The following TAOK3 variants were observed in gnomAD, a reference collection of about 807,000 sequenced individuals.
The protein encoded by TAOK3 is serine/threonine-protein kinase TAO3.
A neutral mutation model predicts 120.4 loss-of-function variants in TAOK3; 40 were observed. The observed-to-expected ratio is 0.33, with a 90% CI of 0.26 to 0.43. The LOEUF (loss-of-function observed/expected upper bound fraction) is 0.43, where lower values mean the gene tolerates loss of function less well. Ranked by LOEUF, TAOK3 falls within the 20% of genes least tolerant of loss-of-function variation. TAOK3 has a pLI of 1.00. For missense variants in TAOK3, 821 were observed against 1,112.1 expected, an observed-to-expected ratio of 0.74 and a Z score of 3.72; for synonymous variants, 355 against 387.5, an observed-to-expected ratio of 0.92 and a Z score of 0.99.
intron 1 of TAOK3, among the ~76,000 whole-genome samples, chr12:118,284,543 C>G (rs887322821): frequency 2.6e-5 from 4 of 152,082 alleles, no homozygotes; most frequent in Admixed American, 6.5e-5. Flanking sequence ...GTGGAAGAAA[C>G]AAGTTTAATG....
chr12:118,271,553 A>G (rs2041699971), intron 1 of TAOK3, among the ~76,000 whole-genome samples: 2 of 152,184 alleles, frequency 1.3e-5, no homozygotes, highest in Admixed American at 6.6e-5. Context: ...TGGATATGTC[A>G]CATTTTATCC....
At chr12:118,175,846 G>A (rs1449125968) in intron 16 of TAOK3, among the ~76,000 whole-genome samples, 1 of 152,166 alleles carries the variant, frequency 6.6e-6, no homozygotes, top group Non-Finnish European at 1.5e-5. Flanking sequence ...TCAGATCAAA[G>A]TGCAGTTCTT....
rs186782933 is a variant in TAOK3, at chr12:118,203,074, C to T, written c.820-1611G>A. Among the ~76,000 whole-genome samples the T allele has an allele frequency of 1.7e-4, 26 of 152,146 alleles. No individual in the cohort carries two copies. The East Asian group carries it at 3.7e-3, about 22-fold the overall frequency. Reference sequence around the variant, plus strand: ...GGATTACAGGCGTGAGCCACCGCACCGCACCTTGTTCTATTCTTATTATAA... The same window carrying T: ...GGATTACAGGCGTGAGCCACCGCACTGCACCTTGTTCTATTCTTATTATAA... On this transcript the variant is annotated intron_variant, in intron 11 of 20. Transcript: ENST00000392533.
At chr12:118,321,302 C>T (rs553302200) in intron 1 of TAOK3, among the ~76,000 whole-genome samples, 3 of 152,186 alleles carry the variant, frequency 2.0e-5, no homozygotes, top group South Asian at 2.1e-4. Context: ...ACTCTGTCGC[C>T]GAAGCTGGAG....
At chr12:118,153,271 C>G (rs2034578736) in intron 19 of TAOK3, among the ~76,000 whole-genome samples, 1 of 152,072 alleles carries the variant, frequency 6.6e-6, no homozygotes, top group Non-Finnish European at 1.5e-5. Flanking sequence ...ATTAGCCAGG[C>G]ATGGTGGCAT....
At position 118,224,373 on chromosome 12, in the gene TAOK3, C is replaced by CCCCT. The variant is rs573038121; in HGVS notation, c.643+9300_643+9301insAGGG. ...TGGTATTCATTTATTAACAGATAAA[C>CCCCT]TATAAGGGGCTAATGTATAAGAAGA... On this transcript the variant is annotated intron_variant, in intron 9 of 20. Transcript: ENST00000392533. Among the ~76,000 whole-genome samples the CCCCT allele has an allele frequency of 8.6e-4, 131 of 152,306 alleles. 2 individuals are homozygous for CCCCT. Among genetic ancestry groups the CCCCT allele is most frequent in the African/African-American group, 3.1e-3 (128 of 41,570 alleles).
intron 10 of TAOK3, 131 bp downstream of exon 10, chr12:118,213,886 T>A: frequency 2.6e-6 from 2 of 757,208 alleles, no homozygotes; most frequent in Non-Finnish European, 2.1e-6. Flanking sequence ...GAGGCATCAG[T>A]GTCACTTGTA....
intron 8 of TAOK3, 55 bp downstream of exon 8, chr12:118,235,503 T>C (rs2039982951): frequency 7.2e-7 from 1 of 1,383,828 alleles, no homozygotes; most frequent in African/African-American, 1.4e-5. Flanking sequence ...AGCACCATAG[T>C]TGAGTTCATG....
At chr12:118,305,765 G>A (rs1303455961) in intron 1 of TAOK3, among the ~76,000 whole-genome samples, 1 of 151,858 alleles carries the variant, frequency 6.6e-6, no homozygotes, top group Non-Finnish European at 1.5e-5. Context: ...TTAGCAGGGT[G>A]TGGTGGCGGG....
chr12:118,265,709 C>T (rs1027721087), intron 2 of TAOK3, among the ~76,000 whole-genome samples: 2 of 152,026 alleles, frequency 1.3e-5, no homozygotes, highest in African/African-American at 4.8e-5. Flanking sequence ...CCTAGTAATA[C>T]ACTTTTGGGA....
chr12:118,184,714 C>T (rs1254653146), intron 14 of TAOK3, among the ~76,000 whole-genome samples: 1 of 152,150 alleles, frequency 6.6e-6, no homozygotes, highest in Non-Finnish European at 1.5e-5. Context: ...GATGTAGTAA[C>T]TGTAGTTTTT....
intron 1 of TAOK3, among the ~76,000 whole-genome samples, chr12:118,267,282 C>T (rs188412059): frequency 6.6e-6 from 1 of 151,934 alleles, no homozygotes; most frequent in African/African-American, 2.4e-5. Flanking sequence ...GTGGCATGAT[C>T]TCGGCTCACT....
chr12:118,253,642 C>T (rs1461624516), intron 3 of TAOK3, among the ~76,000 whole-genome samples: 2 of 151,816 alleles, frequency 1.3e-5, no homozygotes, highest in Admixed American at 6.6e-5. Context: ...GAGGCTGAGG[C>T]GGGAGAATTG....
At chr12:118,196,387 A>G (rs1417366854) in intron 13 of TAOK3, among the ~76,000 whole-genome samples, 1 of 152,030 alleles carries the variant, frequency 6.6e-6, no homozygotes, top group East Asian at 1.9e-4. Context: ...TCCTATCTAA[A>G]ATGGTAATCT....
chr12:118,213,477 T>A (rs1291753014), intron 10 of TAOK3, among the ~76,000 whole-genome samples: 1 of 152,218 alleles, frequency 6.6e-6, no homozygotes, highest in Non-Finnish European at 1.5e-5. Flanking sequence ...TTCCATTTTA[T>A]CCGTTCTTCT....
chr12:118,232,410 G>GCTT (rs2039824360), intron 9 of TAOK3, among the ~76,000 whole-genome samples: 1 of 152,176 alleles, frequency 6.6e-6, no homozygotes, highest in Admixed American at 6.5e-5. Flanking sequence ...TTTAGAGTCA[G>GCTT]ATCCCTGATA....
At chr12:118,348,870 A>ACGGGTCTCACTCTTGTTGCC (rs1434818521) in intron 1 of TAOK3, among the ~76,000 whole-genome samples, 48 of 146,480 alleles carry the variant, frequency 3.3e-4, no homozygotes, top group African/African-American at 1.0e-3. Context: ...TTTTTTGAGA[A>ACGGGTCTCACTCTTGTTGCC]CGGGTCTCAC....
intron 4 of TAOK3, among the ~76,000 whole-genome samples, chr12:118,243,868 G>C (rs1180714756): frequency 6.6e-6 from 1 of 152,026 alleles, no homozygotes; most frequent in Non-Finnish European, 1.5e-5. Context: ...TAGTAGAGAC[G>C]AGGTTTCTCC....
intron 1 of TAOK3, among the ~76,000 whole-genome samples, chr12:118,302,988 A>G (rs1443324174): frequency 6.6e-6 from 1 of 152,190 alleles, no homozygotes; most frequent in Non-Finnish European, 1.5e-5. Context: ...AAAACCAAAT[A>G]TACTACTAAA....
Sources: allele counts gnomAD v4.1 joint callset (sites outside exome capture counted in the v4.1 genomes callset), GRCh38; gene constraint gnomAD v4.1.1; transcripts MANE v1.5; gene names NCBI Gene and HGNC (gene_info 2026-07-23, HGNC 2026-07-21).